PLCL1: variants seen among roughly 807,000 people sequenced by gnomAD.
PLCL1 encodes phospholipase C like 1 (inactive).
Under a neutral mutation model 84.4 loss-of-function variants are expected in PLCL1, and 41 were observed. That is an observed-to-expected ratio of 0.49 (90% confidence interval 0.38 to 0.63). The LOEUF (loss-of-function observed/expected upper bound fraction) is 0.63, where lower values mean the gene tolerates loss of function less well. Ranked by LOEUF, PLCL1 falls within the 30% of genes least tolerant of loss-of-function variation. PLCL1 has a pLI of 0.00. For synonymous variants in PLCL1, 490 were observed against 488.3 expected, an observed-to-expected ratio of 1.00 and a Z score of -0.05; for missense variants, 1,206 against 1,367.8, an observed-to-expected ratio of 0.88 and a Z score of 1.87.
In PLCL1 at chr2:198,111,075, T is replaced by C. The variant is rs1239932462; in HGVS notation, c.3105+7139T>C. 2.6e-5 allele frequency among the ~76,000 whole-genome samples: 4 copies of C among 151,842 alleles called. No homozygotes were observed. In the East Asian group the frequency reaches 7.8e-4, roughly 29 times the overall value. ...ACGCTGCAGCCAGACACTTCCTAGC[T>C]CTGTGTCTTTGGGAAAATTTTGTTT... is the stretch of plus-strand genomic sequence containing the variant. On this transcript the variant is annotated intron_variant, in intron 5 of 5. Coordinates refer to ENST00000428675, the MANE Select transcript of PLCL1 (RefSeq NM_006226.4).
chr2:198,113,320 G>A (rs1693666518), intron 5 of PLCL1, among the ~76,000 whole-genome samples: 3 of 151,708 alleles, frequency 2.0e-5, no homozygotes, highest in Admixed American at 1.3e-4. Context: ...TTTATTTTTG[G>A]TGAAACCAAA....
At chr2:197,957,515 G>T (rs968472266) in intron 1 of PLCL1, among the ~76,000 whole-genome samples, 2 of 151,994 alleles carry the variant, frequency 1.3e-5, no homozygotes, top group Non-Finnish European at 1.5e-5. Context: ...GCATGATATT[G>T]GATACATGTA....
At chr2:198,131,905 G>A (rs1362735722) in intron 5 of PLCL1, among the ~76,000 whole-genome samples, 6 of 152,202 alleles carry the variant, frequency 3.9e-5, no homozygotes, top group Non-Finnish European at 8.8e-5. Context: ...TGAATGGGCA[G>A]CCTCATGGAA....
At chr2:197,889,484 A>G (rs1687976869) in intron 1 of PLCL1, among the ~76,000 whole-genome samples, 1 of 152,184 alleles carries the variant, frequency 6.6e-6, no homozygotes, top group African/African-American at 2.4e-5. Flanking sequence ...GCTTACACTG[A>G]GTTTTAATAT....
chr2:198,066,713 C>T (rs1692328915), intron 1 of PLCL1, among the ~76,000 whole-genome samples: 1 of 152,118 alleles, frequency 6.6e-6, no homozygotes, highest in Non-Finnish European at 1.5e-5. Flanking sequence ...CATTTCCTCC[C>T]TCCTCTCCTA....
chr2:198,073,068 G>A (rs762087689), intron 1 of PLCL1, among the ~76,000 whole-genome samples: 2 of 152,160 alleles, frequency 1.3e-5, no homozygotes, highest in South Asian at 4.1e-4. Flanking sequence ...CATGCAAGTA[G>A]GTGGTAATGG....
intron 1 of PLCL1, among the ~76,000 whole-genome samples, chr2:197,996,624 G>T (rs1690471834): frequency 6.6e-6 from 1 of 151,434 alleles, no homozygotes; most frequent in Admixed American, 6.6e-5. Flanking sequence ...AAAAAAAAAA[G>T]CCAGTGAAGA....
chr2:197,976,640 G>T (rs1010547474), intron 1 of PLCL1, among the ~76,000 whole-genome samples: 2 of 152,118 alleles, frequency 1.3e-5, no homozygotes, highest in Non-Finnish European at 2.9e-5. Flanking sequence ...GTGGAGATGG[G>T]GTTCCACCAT....
At chr2:197,908,922 T>C (rs1688434067) in intron 1 of PLCL1, among the ~76,000 whole-genome samples, 1 of 152,214 alleles carries the variant, frequency 6.6e-6, no homozygotes, top group South Asian at 2.1e-4. Context: ...CATGGTCAAG[T>C]ATTTGATTGT....
chr2:197,821,875 T>C (rs1271775624), intron 1 of PLCL1, among the ~76,000 whole-genome samples: 3 of 152,182 alleles, frequency 2.0e-5, no homozygotes, highest in Non-Finnish European at 4.4e-5. Flanking sequence ...GGATATATTC[T>C]TAATTTGGAG....
rs184221629 is a variant in PLCL1 at position 198,070,386 on chromosome 2, A to G, written c.241-13372A>G. 4.4e-3 allele frequency among the ~76,000 whole-genome samples: 676 copies of G among 152,272 alleles called. 5 individuals are homozygous for G. Among genetic ancestry groups the G allele is most frequent in the African/African-American group, 0.016 (647 of 41,574 alleles). ...ATCTACTCTCAAACCTTAGAGGTAG[A>G]AAAAATTTGATTTAAGAGAAGATAC... On this transcript the variant is annotated intron_variant, in intron 1 of 5. Transcript: ENST00000428675.
chr2:197,903,041 A>C (rs1688297911), intron 1 of PLCL1, among the ~76,000 whole-genome samples: 3 of 152,188 alleles, frequency 2.0e-5, no homozygotes, highest in South Asian at 4.1e-4. Flanking sequence ...ACCAAAAATA[A>C]ATTTTGGTCC....
chr2:197,982,224 T>C lies in PLCL1; in HGVS notation c.241-101534T>C, dbSNP rs111534579. On this transcript the variant is annotated intron_variant, in intron 1 of 5. Coordinates refer to ENST00000428675, the MANE Select transcript of PLCL1 (RefSeq NM_006226.4). The stretch of plus-strand genomic sequence containing the variant: ...TTATGTATATATATATGTATATATA[T>C]ATATGAAAGTCTAAAATTGGAACAA... Among the ~76,000 whole-genome samples the C allele has an allele frequency of 6.3e-3, 951 of 151,346 alleles. 11 individuals carry two copies. Among genetic ancestry groups the C allele is most frequent in the African/African-American group, 0.022 (907 of 41,418 alleles).
intron 5 of PLCL1, among the ~76,000 whole-genome samples, chr2:198,143,895 ATT>A (rs5837583): frequency 0.43 from 64,917 of 150,476 alleles, 14,141 homozygotes; most frequent in Middle Eastern, 0.6. Context: ...TAGTTTACCT[ATT>A]TTTTTTTTTT....
intron 1 of PLCL1, among the ~76,000 whole-genome samples, chr2:198,001,022 G>A (rs141586478): frequency 6.6e-5 from 10 of 152,204 alleles, no homozygotes; most frequent in East Asian, 3.9e-4. Flanking sequence ...AATGGGCTTC[G>A]AAGGCAGAGA....
chr2:197,887,599 G>T (rs1354581258), intron 1 of PLCL1, among the ~76,000 whole-genome samples: 2 of 152,028 alleles, frequency 1.3e-5, no homozygotes, highest in East Asian at 3.9e-4. Flanking sequence ...TTAAAATATT[G>T]TTGATTTGTA....
intron 1 of PLCL1, among the ~76,000 whole-genome samples, chr2:198,005,298 C>T (rs1215609849): frequency 2.0e-5 from 3 of 152,200 alleles, no homozygotes; most frequent in South Asian, 4.1e-4. Flanking sequence ...GCAAATTCAC[C>T]AGCAGATTTC....
At chr2:197,925,380 C>G (rs1269156115) in intron 1 of PLCL1, among the ~76,000 whole-genome samples, 1 of 152,166 alleles carries the variant, frequency 6.6e-6, no homozygotes, top group African/African-American at 2.4e-5. Flanking sequence ...GCTTAATCAT[C>G]AACATTCAGC....
intron 1 of PLCL1, among the ~76,000 whole-genome samples, chr2:197,846,713 A>C (rs1472391152): frequency 6.6e-6 from 1 of 152,098 alleles, no homozygotes; most frequent in Non-Finnish European, 1.5e-5. Flanking sequence ...ATTATTTTCA[A>C]ACTTAATTTC....
Sources: gnomAD v4.1 joint callset for allele counts (sites outside exome capture counted in the v4.1 genomes callset) on GRCh38, gnomAD v4.1.1 for gene constraint, MANE v1.5 for transcripts, NCBI Gene and HGNC (gene_info 2026-07-23, HGNC 2026-07-21) for gene names.